The following CCSER1 variants were observed in gnomAD, a reference collection of about 807,000 sequenced individuals.
CCSER1 encodes coiled-coil serine rich protein 1, also known as serine-rich coiled-coil domain-containing protein 1.
A neutral mutation model predicts 82.0 loss-of-function variants in CCSER1; 41 were observed. The observed-to-expected ratio is 0.50, with a 90% CI of 0.39 to 0.65. The LOEUF (loss-of-function observed/expected upper bound fraction) is 0.65. CCSER1 is among the 30% of genes least tolerant of loss of function. The pLI is 0.00. For synonymous variants in CCSER1, 414 were observed against 383.9 expected, an observed-to-expected ratio of 1.08 and a Z score of -0.92; for missense variants, 1,119 against 1,064.2, an observed-to-expected ratio of 1.05 and a Z score of -0.72.
At chr4:90,376,964 C>G (rs1216127141) in intron 3 of CCSER1, among the ~76,000 whole-genome samples, 1 of 152,156 alleles carries the variant, frequency 6.6e-6, no homozygotes, top group African/African-American at 2.4e-5. Flanking sequence ...TTGCGTTTCA[C>G]CTGCACCACA....
At chr4:90,485,916 C>T (rs926178983) in intron 5 of CCSER1, among the ~76,000 whole-genome samples, 7 of 151,982 alleles carry the variant, frequency 4.6e-5, no homozygotes, top group East Asian at 1.9e-4. Context: ...TTAATGGCTA[C>T]GTATATACTG....
chr4:91,378,069 G>T (rs868151389), intron 10 of CCSER1, among the ~76,000 whole-genome samples: 18 of 152,230 alleles, frequency 1.2e-4, no homozygotes, highest in African/African-American at 2.9e-4. Flanking sequence ...TAGATGTGTG[G>T]TATTATTTCT....
chr4:90,244,800 G>A (rs560658130), intron 1 of CCSER1, among the ~76,000 whole-genome samples: 6 of 152,128 alleles, frequency 3.9e-5, no homozygotes, highest in African/African-American at 1.2e-4. Flanking sequence ...TGAGATTTGC[G>A]TGGGGACACA....
At chr4:90,341,902 T>C (rs1741444719) in intron 3 of CCSER1, among the ~76,000 whole-genome samples, 1 of 152,158 alleles carries the variant, frequency 6.6e-6, no homozygotes, top group South Asian at 2.1e-4. Context: ...CTTATATGCA[T>C]AGATAGACTA....
At chr4:91,565,441 C>A (rs1762843915) in intron 10 of CCSER1, among the ~76,000 whole-genome samples, 1 of 151,906 alleles carries the variant, frequency 6.6e-6, no homozygotes, top group East Asian at 1.9e-4. Flanking sequence ...TGAAGAATAT[C>A]ATTGATAGTT....
intron 3 of CCSER1, among the ~76,000 whole-genome samples, chr4:90,374,302 A>C (rs1283832748): frequency 1.3e-5 from 2 of 152,168 alleles, no homozygotes; most frequent in African/African-American, 4.8e-5. Context: ...ATTGCTCTTT[A>C]ATAAGGAGAA....
chr4:90,961,214 A>C (rs1219568966), intron 9 of CCSER1, among the ~76,000 whole-genome samples: 1 of 152,146 alleles, frequency 6.6e-6, no homozygotes, highest in Non-Finnish European at 1.5e-5. Context: ...TCACTTTCCC[A>C]ATAGTTACAC....
intron 3 of CCSER1, among the ~76,000 whole-genome samples, chr4:90,339,103 CT>C: frequency 6.6e-6 from 1 of 152,262 alleles, no homozygotes; most frequent in East Asian, 1.9e-4. Context: ...AAATAATTTT[CT>C]TTCTATAGAA....
intron 9 of CCSER1, among the ~76,000 whole-genome samples, chr4:91,081,223 C>G (rs1200769737): frequency 6.6e-6 from 1 of 152,166 alleles, no homozygotes; most frequent in Non-Finnish European, 1.5e-5. Flanking sequence ...ATCAAGTTGG[C>G]TTCATCCCTG....
chr4:91,359,146 C>G (rs1749079383), intron 10 of CCSER1, among the ~76,000 whole-genome samples: 1 of 149,608 alleles, frequency 6.7e-6, no homozygotes, highest in African/African-American at 2.4e-5. Context: ...TTTGAGCAAG[C>G]AGGTGGTATG....
At chr4:90,860,529 G>T (rs1298869731) in intron 8 of CCSER1, among the ~76,000 whole-genome samples, 2 of 151,460 alleles carry the variant, frequency 1.3e-5, no homozygotes, top group African/African-American at 2.4e-5. Context: ...CTACTCCTCG[G>T]TCTATACCCA....
intron 10 of CCSER1, among the ~76,000 whole-genome samples, chr4:91,276,393 A>AT (rs941756154): frequency 6.0e-5 from 9 of 149,264 alleles, no homozygotes; most frequent in African/African-American, 2.2e-4. Flanking sequence ...TTTCTAGGTA[A>AT]TTTTTGTAGC....
At chr4:90,264,574 C>T (rs182290915) in intron 1 of CCSER1, among the ~76,000 whole-genome samples, 3 of 152,206 alleles carry the variant, frequency 2.0e-5, no homozygotes, top group Non-Finnish European at 2.9e-5. Flanking sequence ...TTCCTGTTTA[C>T]TGGAATGCTT....
At chr4:91,028,797 G>T (rs1003203230) in intron 9 of CCSER1, among the ~76,000 whole-genome samples, 1 of 151,850 alleles carries the variant, frequency 6.6e-6, no homozygotes. Flanking sequence ...TTAAATTGTT[G>T]GTTTGAGACA....
intron 4 of CCSER1, among the ~76,000 whole-genome samples, chr4:90,464,458 TA>T (rs1443520761): frequency 2.0e-5 from 3 of 152,228 alleles, no homozygotes; most frequent in African/African-American, 7.2e-5. Context: ...ACAGTTCCAG[TA>T]GTTGTTTAGT....
At chr4:91,133,771 T>A (rs962127351) in intron 10 of CCSER1, among the ~76,000 whole-genome samples, 16 of 152,040 alleles carry the variant, frequency 1.1e-4, no homozygotes, top group African/African-American at 3.6e-4. Flanking sequence ...GATGGGGCAA[T>A]GAAAGTTTAA....
intron 4 of CCSER1, among the ~76,000 whole-genome samples, chr4:90,401,360 A>C (rs896646774): frequency 6.6e-6 from 1 of 152,210 alleles, no homozygotes; most frequent in Admixed American, 6.5e-5. Flanking sequence ...AAAATAGTAC[A>C]TGCATATAAT....
At chr4:90,629,073 G>A (rs933516373) in intron 6 of CCSER1, among the ~76,000 whole-genome samples, 1 of 151,970 alleles carries the variant, frequency 6.6e-6, no homozygotes, top group African/African-American at 2.4e-5. Context: ...TATTAATAAA[G>A]AATTGAGAAA....
chr4:91,211,040 A>G (rs563927219), intron 10 of CCSER1, among the ~76,000 whole-genome samples: 9 of 152,164 alleles, frequency 5.9e-5, no homozygotes, highest in Admixed American at 5.2e-4. Context: ...CAAAATGAAT[A>G]AAAAACAAAT....
Sources: allele counts gnomAD v4.1 joint callset (sites outside exome capture counted in the v4.1 genomes callset), GRCh38; gene constraint gnomAD v4.1.1; transcripts MANE v1.5; gene names NCBI Gene and HGNC (gene_info 2026-07-23, HGNC 2026-07-21).